DACH1: variants seen among roughly 807,000 people sequenced by gnomAD.
The protein encoded by DACH1 is dachshund homolog 1.
A neutral mutation model predicts 54.2 loss-of-function variants in DACH1; 12 were observed. That is an observed-to-expected ratio of 0.22 (90% CI 0.14 to 0.36). DACH1 has a LOEUF of 0.36. DACH1 is among the 10% of genes least tolerant of loss of function. DACH1 has a pLI of 1.00. For missense variants in DACH1, 805 were observed against 929.8 expected, an observed-to-expected ratio of 0.87 and a Z score of 1.75; for synonymous variants, 386 against 366.2, an observed-to-expected ratio of 1.05 and a Z score of -0.62.
At chr13:71,550,860 A>C (rs1478895702) in intron 6 of DACH1, among the ~76,000 whole-genome samples, 1 of 152,126 alleles carries the variant, frequency 6.6e-6, no homozygotes, top group Non-Finnish European at 1.5e-5. Context: ...TAGGTAGGTA[A>C]TAGAATATTT....
At chr13:71,824,207 C>T (rs1008901056) in intron 1 of DACH1, among the ~76,000 whole-genome samples, 12 of 151,584 alleles carry the variant, frequency 7.9e-5, no homozygotes, top group African/African-American at 9.7e-5. Flanking sequence ...ATTTGATCTA[C>T]GTAATAACTA....
At chr13:71,744,654 C>A (rs566417232) in intron 1 of DACH1, among the ~76,000 whole-genome samples, 1 of 152,290 alleles carries the variant, frequency 6.6e-6, no homozygotes, top group East Asian at 1.9e-4. Context: ...ACATATTTAA[C>A]AACTATCCTG....
At chr13:71,502,510 C>T (rs1009383262) in intron 6 of DACH1, among the ~76,000 whole-genome samples, 1 of 152,140 alleles carries the variant, frequency 6.6e-6, no homozygotes, top group Non-Finnish European at 1.5e-5. Context: ...CATGAAAGTA[C>T]TACTTTTAAA....
intron 1 of DACH1, among the ~76,000 whole-genome samples, chr13:71,708,338 T>C (rs1017982701): frequency 3.3e-5 from 5 of 152,136 alleles, no homozygotes; most frequent in Non-Finnish European, 7.4e-5. Context: ...TCAACTTAAT[T>C]CCTTCAAAAT....
Position 71,513,964 on chromosome 13 carries a change from G to A in DACH1, c.1571-24816C>T, listed in dbSNP as rs73215203. On this transcript the variant is annotated intron_variant, in intron 6 of 10. Transcript: ENST00000613252. ...TTTACCTTGTATTAATATTTTATCT[G>A]CCTCAGACAGAAAAAGAGATCAGAT... Among the ~76,000 whole-genome samples, 900 of 152,070 alleles carry A rather than the reference G, an allele frequency of 5.9e-3. 5 individuals carry two copies. The highest frequency in any genetic ancestry group is 0.031 in the Middle Eastern group (9 of 294).
rs139961259 is a variant in DACH1, at chr13:71,609,807, G to A, written c.1126+20749C>T. Among the ~76,000 whole-genome samples, 321 of 152,198 alleles carry A rather than the reference G, an allele frequency of 2.1e-3. 1 individual carries two copies. The highest frequency in any genetic ancestry group is 7.3e-3 in the African/African-American group (305 of 41,558). ...CTCCCAAAGTGCTGGGATTACAGGC[G>A]TGAGCCACTGCGCCCAGCCAGAAGT... On this transcript the variant is annotated intron_variant, in intron 3 of 10. Coordinates refer to ENST00000613252, the MANE Select transcript of DACH1 (RefSeq NM_080759.6).
chr13:71,705,173 A>G (rs1214224278), intron 1 of DACH1, among the ~76,000 whole-genome samples: 1 of 152,190 alleles, frequency 6.6e-6, no homozygotes, highest in African/African-American at 2.4e-5. Flanking sequence ...AAATTATCAA[A>G]CAGCTAAGTA....
intron 1 of DACH1, among the ~76,000 whole-genome samples, chr13:71,794,935 TA>T (rs1407544364): frequency 2.6e-5 from 4 of 152,154 alleles, no homozygotes; most frequent in Non-Finnish European, 5.9e-5. Flanking sequence ...AAGCATATCT[TA>T]AACCTTGCTA....
At chr13:71,486,820 C>T (rs201422756) in intron 7 of DACH1, among the ~76,000 whole-genome samples, 86 of 28,206 alleles carry the variant, frequency 3.0e-3, no homozygotes, top group East Asian at 0.011. Context: ...ATTTATCTAT[C>T]TATCTATCTA....
intron 3 of DACH1, among the ~76,000 whole-genome samples, chr13:71,595,705 T>C (rs545384457): frequency 1.3e-5 from 2 of 152,238 alleles, no homozygotes; most frequent in South Asian, 2.1e-4. Flanking sequence ...GGTGCCAATA[T>C]GTCAGGTTCT....
chr13:71,554,139 T>C (rs902594696), intron 6 of DACH1, among the ~76,000 whole-genome samples: 16 of 152,144 alleles, frequency 1.1e-4, no homozygotes, highest in Admixed American at 6.5e-4. Context: ...AATTTTGTCA[T>C]GAAAGAAAAC....
chr13:71,482,282 C>T (rs1487609010), intron 7 of DACH1, among the ~76,000 whole-genome samples: 2 of 151,524 alleles, frequency 1.3e-5, no homozygotes, highest in African/African-American at 4.9e-5. Flanking sequence ...ACAGTTGATA[C>T]GGCTTAGAAA....
At chr13:71,788,873 T>C (rs1318591106) in intron 1 of DACH1, among the ~76,000 whole-genome samples, 1 of 152,168 alleles carries the variant, frequency 6.6e-6, no homozygotes, top group African/African-American at 2.4e-5. Flanking sequence ...TTACAATTGA[T>C]TCTAAATGTT....
chr13:71,628,005 A>T (rs772293024), intron 3 of DACH1, among the ~76,000 whole-genome samples: 1 of 152,118 alleles, frequency 6.6e-6, no homozygotes, highest in East Asian at 1.9e-4. Context: ...ATAAGCAGAC[A>T]TTGTAATAAA....
At chr13:71,552,840 TATAG>T (rs71123232) in intron 6 of DACH1, among the ~76,000 whole-genome samples, 11 of 16,860 alleles carry the variant, frequency 6.5e-4, no homozygotes, top group African/African-American at 9.8e-4. Flanking sequence ...TATATATATA[TATAG>T]AGAGAGAGAG....
intron 1 of DACH1, among the ~76,000 whole-genome samples, chr13:71,688,649 C>T (rs1017458605): frequency 3.3e-5 from 5 of 152,272 alleles, no homozygotes; most frequent in African/African-American, 9.6e-5. Context: ...CACCAAAATA[C>T]AGAGGTCCAT....
At chr13:71,698,142 C>T (rs987599194) in intron 1 of DACH1, among the ~76,000 whole-genome samples, 13 of 152,118 alleles carry the variant, frequency 8.5e-5, no homozygotes, top group African/African-American at 2.4e-4. Flanking sequence ...CAGTGAGCCG[C>T]GCCACTGCAC....
intron 3 of DACH1, among the ~76,000 whole-genome samples, 151 bp downstream of exon 3, chr13:71,630,401 TAGAG>T (rs1877001807): frequency 6.6e-6 from 1 of 152,176 alleles, no homozygotes; most frequent in Non-Finnish European, 1.5e-5. Context: ...CATTAGTTGT[TAGAG>T]AGGCAAAATG....
intron 1 of DACH1, among the ~76,000 whole-genome samples, chr13:71,806,637 T>A (rs985719779): frequency 1.3e-5 from 2 of 152,212 alleles, no homozygotes; most frequent in Non-Finnish European, 2.9e-5. Context: ...ATTATTTAAA[T>A]CTAAGCAGTG....
Sources: allele counts gnomAD v4.1 joint callset (sites outside exome capture counted in the v4.1 genomes callset), GRCh38; gene constraint gnomAD v4.1.1; transcripts MANE v1.5; gene names NCBI Gene and HGNC (gene_info 2026-07-23, HGNC 2026-07-21).